The following FHOD3 variants were observed in gnomAD, a reference collection of about 807,000 sequenced individuals.
FHOD3 encodes FH1/FH2 domain-containing protein 3.
FHOD3 carries 90 observed loss-of-function variants against 173.0 expected under a neutral mutation model. The observed-to-expected ratio is 0.52, with a 90% CI of 0.44 to 0.62. The LOEUF (loss-of-function observed/expected upper bound fraction) is 0.62. FHOD3 is among the 20% of genes least tolerant of loss of function. The pLI is 0.00. For synonymous variants in FHOD3, 828 were observed against 823.0 expected (o/e 1.01, Z -0.10); for missense variants, 1,945 against 2,034.7 (o/e 0.96, Z 0.85).
At chr18:36,399,973 T>C (rs9954757) in intron 3 of FHOD3, among the ~76,000 whole-genome samples, 67,110 of 151,958 alleles carry the variant, frequency 0.44, 15,306 homozygotes, top group East Asian at 0.68. Flanking sequence ...CTTCATTCAC[T>C]GGGTGAAAAT....
rs2149416231 is a variant in FHOD3, at chr18:36,683,216, A to G, written c.1970+1646A>G. On this transcript the variant is annotated intron_variant, in intron 15 of 28. Transcript: ENST00000590592. ...AAGGCCAATTTTTTAAATCTCTGGA[A>G]CAGGTTAAATGCTTCCTGATTTATG... 1.3e-5 allele frequency among the ~76,000 whole-genome samples: 2 copies of G among 152,358 alleles called. 1 individual carries two copies. The highest frequency in any genetic ancestry group is 4.1e-4 in the South Asian group (2 of 4,830).
chr18:36,361,886 C>T (rs987119091), intron 2 of FHOD3, among the ~76,000 whole-genome samples: 8 of 152,096 alleles, frequency 5.3e-5, no homozygotes, highest in Non-Finnish European at 1.2e-4. Context: ...ATTTTCAAAG[C>T]TTCCAGGTGA....
chr18:36,300,830 C>G (rs956471191), intron 1 of FHOD3, among the ~76,000 whole-genome samples: 5 of 152,026 alleles, frequency 3.3e-5, no homozygotes, highest in African/African-American at 4.8e-5. Flanking sequence ...CCTTGACCTC[C>G]CTGGGCTCAG....
At chr18:36,338,922 G>A (rs193265244) in intron 1 of FHOD3, among the ~76,000 whole-genome samples, 4 of 152,240 alleles carry the variant, frequency 2.6e-5, no homozygotes, top group South Asian at 2.1e-4. Context: ...GTAGGAAGGA[G>A]AGCCGGGCAC....
At chr18:36,515,012 C>G (rs1222441438) in intron 5 of FHOD3, among the ~76,000 whole-genome samples, 1 of 152,208 alleles carries the variant, frequency 6.6e-6, no homozygotes, top group Non-Finnish European at 1.5e-5. Context: ...AAAGCCTTTT[C>G]TGGTGAGCCA....
At chr18:36,550,651 CATATCTTTCATGTAATTCATCA>C (rs1409960381) in intron 5 of FHOD3, among the ~76,000 whole-genome samples, 7 of 152,172 alleles carry the variant, frequency 4.6e-5, no homozygotes, top group Non-Finnish European at 4.4e-5. Context: ...ACAGACATTA[CATATCTTTCATGTAATTCATCA>C]ATAAGTATTT....
At chr18:36,400,722 G>T (rs530296337) in intron 3 of FHOD3, among the ~76,000 whole-genome samples, 21 of 152,220 alleles carry the variant, frequency 1.4e-4, no homozygotes, top group Admixed American at 1.4e-3. Context: ...CTGGAACAGG[G>T]ATGGAGGCTG....
chr18:36,665,389 A>G (rs2037111465), intron 14 of FHOD3, among the ~76,000 whole-genome samples: 3 of 152,244 alleles, frequency 2.0e-5, no homozygotes, highest in South Asian at 2.1e-4. Flanking sequence ...TCATCTGCAA[A>G]TAAAGAGTTT....
chr18:36,561,244 A>G (rs751881354), intron 5 of FHOD3, among the ~76,000 whole-genome samples: 1 of 152,254 alleles, frequency 6.6e-6, no homozygotes, highest in Non-Finnish European at 1.5e-5. Context: ...TGGCAAAACA[A>G]TTCTGTTCTA....
rs560027664 is a variant in FHOD3 at position 36,312,861 on chromosome 18, A to C, written c.165+14861A>C. On this transcript the variant is annotated intron_variant, in intron 1 of 28. Transcript: ENST00000590592. ...AACAATCATATTTATTATCTCTCACAGTTTCCTTGGGCCATGAATTTGAAG... is the reference window on the plus strand; with the variant it reads ...AACAATCATATTTATTATCTCTCACCGTTTCCTTGGGCCATGAATTTGAAG... Among the ~76,000 whole-genome samples, 41 of 152,302 alleles carry C rather than the reference A, an allele frequency of 2.7e-4. 1 individual carries two copies. The South Asian group carries it at 4.8e-3, about 18-fold the overall frequency.
At chr18:36,387,877 G>A (rs866892334) in intron 3 of FHOD3, among the ~76,000 whole-genome samples, 43 of 152,142 alleles carry the variant, frequency 2.8e-4, no homozygotes, top group African/African-American at 9.2e-4. Flanking sequence ...GTGAGACTGT[G>A]TGACCATTAC....
At chr18:36,413,509 A>G (rs1387313846) in intron 3 of FHOD3, among the ~76,000 whole-genome samples, 1 of 152,192 alleles carries the variant, frequency 6.6e-6, no homozygotes, top group East Asian at 1.9e-4. Context: ...CAGGCCTGGC[A>G]TGACCATGTC....
intron 6 of FHOD3, among the ~76,000 whole-genome samples, chr18:36,579,642 C>CT (rs1039895001): frequency 6.6e-6 from 1 of 152,164 alleles, no homozygotes; most frequent in African/African-American, 2.4e-5. Context: ...CATTTGCTCT[C>CT]TTTTGATTCT....
chr18:36,342,370 A>C (rs1029785616), intron 1 of FHOD3, among the ~76,000 whole-genome samples: 3 of 152,200 alleles, frequency 2.0e-5, no homozygotes, highest in African/African-American at 7.2e-5. Flanking sequence ...AAGTGCTGTG[A>C]ATACTAGATA....
chr18:36,598,524 T>A (rs1239603665), intron 7 of FHOD3, among the ~76,000 whole-genome samples: 1 of 152,030 alleles, frequency 6.6e-6, no homozygotes, highest in Non-Finnish European at 1.5e-5. Context: ...TAAGGAGTGA[T>A]CAGTGTTTAT....
chr18:36,592,946 G>A (rs1360551427), intron 6 of FHOD3, among the ~76,000 whole-genome samples: 1 of 152,140 alleles, frequency 6.6e-6, no homozygotes, highest in African/African-American at 2.4e-5. Flanking sequence ...ATCTTAGATG[G>A]ACTTTCAAAC....
rs571696890 is a variant in FHOD3 at position 36,718,300 on chromosome 18, G to C, written c.3002G>C (p.Gly1001Ala). The C allele has an allele frequency of 1.2e-6, 2 of 1,614,090 alleles. No homozygotes were observed. The highest frequency in any genetic ancestry group is 2.2e-5 in the South Asian group (2 of 91,076). ...RIQDMDFTDL[G>A]EEDDIDVLDV... Reference sequence around the variant, plus strand: ...CAAGACATGGATTTCACTGACCTGGGGGAGGAGGATGACATTGATGTCCTA... The same window carrying C: ...CAAGACATGGATTTCACTGACCTGGCGGAGGAGGATGACATTGATGTCCTA... The change falls in exon 19 of 29, where the codon GGG becomes GCG. Residue 1001 changes from glycine to alanine, a missense_variant. Gly to Ala is a moderately conservative substitution (Grantham distance 60). Around this residue, in one of 5 missense-constraint regions of FHOD3, gnomAD observed 1,099 missense variants for 1,051.2 expected, o/e 1.05. Transcript: ENST00000590592.
intron 3 of FHOD3, among the ~76,000 whole-genome samples, chr18:36,466,868 CT>C (rs10546728): frequency 0.7 from 104,677 of 148,840 alleles, 37,160 homozygotes; most frequent in African/African-American, 0.83. Flanking sequence ...GTGATTTTAG[CT>C]TTTTTTTTTT....
At chr18:36,451,278 G>A (rs974109350) in intron 3 of FHOD3, among the ~76,000 whole-genome samples, 1 of 152,182 alleles carries the variant, frequency 6.6e-6, no homozygotes, top group Non-Finnish European at 1.5e-5. Context: ...AGGAAAGACA[G>A]AACTACTTGG....
Sources: gnomAD v4.1 joint callset for allele counts (sites outside exome capture counted in the v4.1 genomes callset) on GRCh38, gnomAD v4.1.1 for gene constraint, gnomAD v4.1.1 regional missense constraint, MANE v1.5 for transcripts, NCBI Gene and HGNC (gene_info 2026-07-23, HGNC 2026-07-21) for gene names.